Variants in SPTAN1 observed in about 807,000 individuals in gnomAD.
SPTAN1 encodes the protein spectrin alpha, non-erythrocytic 1.
In SPTAN1, 61 loss-of-function variants were observed where a neutral mutation model predicts 331.3. The observed-to-expected ratio is 0.18, with a 90% CI of 0.15 to 0.23. The LOEUF (loss-of-function observed/expected upper bound fraction) is 0.23, where lower values mean the gene tolerates loss of function less well. Among genes scored for constraint, SPTAN1 ranks in the 10% least tolerant of loss-of-function variants. The pLI is 1.00. For missense variants in SPTAN1, 2,043 were observed against 3,147.9 expected (o/e 0.65, Z 8.40); for synonymous variants, 1,153 against 1,173.9 (o/e 0.98, Z 0.36).
chr9:128,603,708 T>C, intron 28 of SPTAN1, 118 bp downstream of exon 28: 1 of 1,260,266 alleles, frequency 7.9e-7, no homozygotes, highest in Non-Finnish European at 1.2e-6. Flanking sequence ...TATCTCACTC[T>C]ATTGGGTCCA....
chr9:128,615,950 C>G (rs1857113604), intron 41 of SPTAN1, 110 bp downstream of exon 41: 2 of 1,209,198 alleles, frequency 1.7e-6, no homozygotes, highest in Non-Finnish European at 2.4e-6. Context: ...GGACTGGGAT[C>G]CCAGCTTGGG....
At position 128,574,784 on chromosome 9, in the gene SPTAN1, G is replaced by A. The variant is rs765662528; in HGVS notation, c.473G>A (p.Cys158Tyr). Reference sequence around the variant, plus strand: ...AAGTTGGTGCAGTACTTACGAGAATGTGAGGACGTGATGGACTGGATCAAT... The same window carrying A: ...AAGTTGGTGCAGTACTTACGAGAATATGAGGACGTGATGGACTGGATCAAT... Reference protein sequence around the residue: ...AQKLVQYLRECEDVMDWINDK... With the variant: ...AQKLVQYLREYEDVMDWINDK... The change falls in exon 4 of 57, where the codon TGT becomes TAT. Residue 158 changes from cysteine to tyrosine, a missense_variant. Around this residue, in one of 12 missense-constraint regions of SPTAN1, gnomAD observed 1,038 missense variants for 1,531.5 expected, o/e 0.68. Transcript: ENST00000372739. 3 of 1,614,014 alleles carry A rather than the reference G, an allele frequency of 1.9e-6. No individual in the cohort carries two copies. Among genetic ancestry groups the A allele is most frequent in the Non-Finnish European group, 2.5e-6 (3 of 1,179,970 alleles).
chr9:128,578,594 G>A (rs1347290734), intron 9 of SPTAN1, among the ~76,000 whole-genome samples: 1 of 152,262 alleles, frequency 6.6e-6, no homozygotes, highest in Non-Finnish European at 1.5e-5. Context: ...ACTTTGGAAG[G>A]CTGAGGCGGG....
At chr9:128,605,578 T>C in intron 31 of SPTAN1, 101 bp downstream of exon 31, 2 of 1,453,572 alleles carry the variant, frequency 1.4e-6, no homozygotes, top group Non-Finnish European at 1.9e-6. Flanking sequence ...GTACAATGGC[T>C]CACACCTATA....
intron 41 of SPTAN1, among the ~76,000 whole-genome samples, chr9:128,617,054 A>G (rs1031427779): frequency 1.2e-4 from 18 of 152,082 alleles, no homozygotes; most frequent in African/African-American, 4.3e-4. Context: ...CCTGGGCAAC[A>G]TGGTGAAAAC....
At chr9:128,557,689 C>T (rs541275925) in intron 1 of SPTAN1, among the ~76,000 whole-genome samples, 40 of 151,154 alleles carry the variant, frequency 2.6e-4, no homozygotes, top group African/African-American at 9.7e-4. Flanking sequence ...ATATTCATGT[C>T]TAATCTATTT....
In SPTAN1 at chr9:128,627,813, T is replaced by C; in HGVS notation, c.6690-112T>C. On this transcript the variant is annotated intron_variant, in intron 50 of 56. Transcript: ENST00000372739. This position sits in a 1 kb window ranked among gnomAD's most constrained non-coding sequence, Gnocchi z 4.9. ...GCAGGGTCTGTGCGTTGGGTACTGA[T>C]GTTCTTGCTTTTGTTTTCCTTTCTT... The C allele has an allele frequency of 7.5e-7, 1 of 1,340,456 alleles. No individual in the cohort carries two copies. Among genetic ancestry groups the C allele is most frequent in the Non-Finnish European group, 1.1e-6 (1 of 931,148 alleles). The allele number at this position is 1,340,456 out of a possible 1,614,324, so 83.0% of individuals were successfully genotyped here. A position where few individuals can be genotyped will look rare whatever the true frequency, so the allele number is the denominator to read the frequency against.
At position 128,625,648 on chromosome 9, in the gene SPTAN1, G is replaced by C; in HGVS notation, c.6070-121G>C. 1.1e-6 allele frequency: 1 copy of C among 900,876 alleles called. No homozygotes were observed. The highest frequency in any genetic ancestry group is 1.8e-6 in the Non-Finnish European group (1 of 547,982). The allele number at this position is 900,876 out of a possible 1,614,324, so 55.8% of individuals were successfully genotyped here. On this transcript the variant is annotated intron_variant, in intron 47 of 56. Coordinates refer to ENST00000372739, the MANE Select transcript of SPTAN1 (RefSeq NM_001130438.3). This position sits in a 1 kb window ranked among gnomAD's most constrained non-coding sequence, Gnocchi z 4.1. ...GGGCATGTGTGACTGAGTCTCAGCAGTGTCCAGGTGGACAGTTTGGCTTGG... is the reference window on the plus strand; with the variant it reads ...GGGCATGTGTGACTGAGTCTCAGCACTGTCCAGGTGGACAGTTTGGCTTGG...
chr9:128,554,943 C>T (rs1002319132), intron 1 of SPTAN1, among the ~76,000 whole-genome samples: 2 of 152,328 alleles, frequency 1.3e-5, no homozygotes, highest in African/African-American at 2.4e-5. Context: ...TACTTTGTGG[C>T]AATTTCATGA....
intron 8 of SPTAN1, 70 bp from the exon 9 acceptor site, chr9:128,578,040 C>G: frequency 6.4e-7 from 1 of 1,553,940 alleles, no homozygotes; most frequent in Non-Finnish European, 8.9e-7. Flanking sequence ...GAATTCAGAG[C>G]TTTAGGGAGG....
In SPTAN1 at chr9:128,633,633, A is replaced by AAAG; in HGVS notation, c.*301_*303dup. ...CCTCCCCCAAATCTGTTTTCATGTA[A>AAAG]AAGACAAATAAATGATGACTTCCCC... On this transcript the variant is annotated 3_prime_UTR_variant, in exon 57 of 57. Transcript: ENST00000372739. The AAAG allele has an allele frequency of 7.5e-7, 1 of 1,340,488 alleles. No individual in the cohort carries two copies. Among genetic ancestry groups the AAAG allele is most frequent in the East Asian group, 2.3e-5 (1 of 43,354 alleles). 83.0% of individuals were successfully genotyped at this position (1,340,488 alleles called of 1,614,324 possible).
In SPTAN1 at chr9:128,577,007, T is replaced by C. The variant is rs1851380798; in HGVS notation, c.785+51T>C. On this transcript the variant is annotated intron_variant, in intron 6 of 56. Coordinates refer to ENST00000372739, the MANE Select transcript of SPTAN1 (RefSeq NM_001130438.3). The surrounding 1 kb of genome is among the most constrained non-coding windows in gnomAD (Gnocchi z 4.2). Reference sequence around the variant, plus strand: ...GAATGGGTCTCAACCTGGAGGGGAGTTGTGAAGCACAGGGCATGTGCTGGT... The same window carrying C: ...GAATGGGTCTCAACCTGGAGGGGAGCTGTGAAGCACAGGGCATGTGCTGGT... The C allele has an allele frequency of 9.9e-6, 16 of 1,613,206 alleles. No homozygotes were observed. Among genetic ancestry groups the C allele is most frequent in the Non-Finnish European group, 1.4e-5 (16 of 1,179,862 alleles).
chr9:128,581,689 T>C, intron 11 of SPTAN1, 93 bp from the exon 12 acceptor site: 1 of 948,322 alleles, frequency 1.1e-6, no homozygotes, highest in Admixed American at 1.7e-5. Context: ...CTTTCCTTCT[T>C]TTTATATTTT....
chr9:128,625,348 A>G lies in SPTAN1; in HGVS notation c.6069+169A>G, dbSNP rs1263466502. On this transcript the variant is annotated intron_variant, in intron 47 of 56. Coordinates refer to ENST00000372739, the MANE Select transcript of SPTAN1 (RefSeq NM_001130438.3). The surrounding 1 kb of genome is among the most constrained non-coding windows in gnomAD (Gnocchi z 4.1). ...TTCCAGACTAACTGGGGAAGCAGACACAGAACCAGGCATCTCTGCAGCAGC... is the reference window on the plus strand; with the variant it reads ...TTCCAGACTAACTGGGGAAGCAGACGCAGAACCAGGCATCTCTGCAGCAGC... Among the ~76,000 whole-genome samples the G allele has an allele frequency of 1.3e-5, 2 of 152,204 alleles. No individual in the cohort carries two copies. The highest frequency in any genetic ancestry group is 4.8e-5 in the African/African-American group (2 of 41,458).
At chr9:128,557,654 C>G (rs1344066229) in intron 1 of SPTAN1, among the ~76,000 whole-genome samples, 1 of 151,886 alleles carries the variant, frequency 6.6e-6, no homozygotes, top group Non-Finnish European at 1.5e-5. Context: ...ACAGCTGTCT[C>G]TTGGCGTTCA....
intron 1 of SPTAN1, among the ~76,000 whole-genome samples, chr9:128,562,990 G>GTATATATATA (rs1379685400): frequency 0.054 from 94 of 1,756 alleles, no homozygotes; most frequent in African/African-American, 0.069. Flanking sequence ...ATACATGTAT[G>GTATATATATA]TGTATATATA....
intron 3 of SPTAN1, among the ~76,000 whole-genome samples, chr9:128,572,611 A>G (rs10739726): frequency 0.97 from 147,455 of 152,298 alleles, 71,542 homozygotes; most frequent in Non-Finnish European, 1. Flanking sequence ...TTTCATGCTC[A>G]CAGTTACTAT....
At chr9:128,559,826 C>G (rs943492724) in intron 1 of SPTAN1, among the ~76,000 whole-genome samples, 1 of 151,720 alleles carries the variant, frequency 6.6e-6, no homozygotes, top group African/African-American at 2.4e-5. Context: ...CCTCTGCCTC[C>G]CGGGTTCAAG....
intron 45 of SPTAN1, 128 bp downstream of exon 45, chr9:128,621,384 C>G: frequency 1.3e-6 from 1 of 755,552 alleles, no homozygotes; most frequent in East Asian, 2.7e-5. Flanking sequence ...AGACCAGCAG[C>G]AATTCCATTC....
Sources: allele counts gnomAD v4.1 joint callset (sites outside exome capture counted in the v4.1 genomes callset), GRCh38; gene constraint gnomAD v4.1.1; regional missense constraint gnomAD v4.1.1; non-coding constraint Gnocchi (gnomAD v3.1); transcripts MANE v1.5; gene names NCBI Gene and HGNC (gene_info 2026-07-23, HGNC 2026-07-21).